Variants in NANOG observed in about 807,000 individuals in gnomAD.
The protein encoded by NANOG is Nanog homeobox.
In NANOG, 2 loss-of-function variants were observed where a neutral mutation model predicts 17.7. The observed-to-expected ratio is 0.11, with a 90% CI of 0.05 to 0.36. NANOG has a LOEUF of 0.36. NANOG is among the 10% of genes least tolerant of loss of function. The probability of loss-of-function intolerance (pLI) is 1.00; values close to 1 mark genes in which losing one functional copy is unlikely to be tolerated. For synonymous variants in NANOG, 81 were observed against 124.7 expected (o/e 0.65, Z 2.33); for missense variants, 174 against 362.1 (o/e 0.48, Z 4.22).
At chr12:7,793,890 C>T (rs1015534616) in intron 2 of NANOG, among the ~76,000 whole-genome samples, 14 of 151,438 alleles carry the variant, frequency 9.2e-5, no homozygotes, top group African/African-American at 3.2e-4. Context: ...TACAGGCGCC[C>T]GCCACTACAC....
At position 7,796,871 on chromosome 12, in the gene NANOG, T is replaced by A. The variant is rs1565478811; in HGVS notation, c.*1776T>A. 6.6e-6 allele frequency: 1 copy of A among 152,092 alleles called. No homozygotes were observed. Among genetic ancestry groups the A allele is most frequent in the East Asian group, 1.9e-4 (1 of 5,192 alleles). The allele number at this position is 152,092 out of a possible 1,614,324, so 9.4% of individuals were successfully genotyped here. On this transcript the variant is annotated 3_prime_UTR_variant, in exon 4 of 4. Coordinates refer to ENST00000229307, the MANE Select transcript of NANOG (RefSeq NM_024865.4). ...CCTCCGCCTCCCGAGTTCAAGTGAT[T>A]CTCCTGCCTCAGCCTCCCAAGTAGC...
At chr12:7,792,282 G>A (rs1247847722) in intron 1 of NANOG, among the ~76,000 whole-genome samples, 1 of 152,104 alleles carries the variant, frequency 6.6e-6, no homozygotes, top group Admixed American at 6.6e-5. Context: ...AGTGATTTAG[G>A]GTGAGATGCA....
intron 2 of NANOG, 145 bp from the exon 3 acceptor site, chr12:7,794,312 A>G: frequency 1.4e-6 from 1 of 707,954 alleles, no homozygotes; most frequent in Non-Finnish European, 2.4e-6. Context: ...GGCTCAAGCA[A>G]TCTGCCCGCC....
chr12:7,795,523 G>T lies in NANOG; in HGVS notation c.*428G>T, dbSNP rs1259722758. Reference sequence around the variant, plus strand: ...TTTTTAGTAGAGACGGGGTTTCACTGTGTTAGCCAGGATGGTCTCGATCTC... The same window carrying T: ...TTTTTAGTAGAGACGGGGTTTCACTTTGTTAGCCAGGATGGTCTCGATCTC... On this transcript the variant is annotated 3_prime_UTR_variant, in exon 4 of 4. Transcript: ENST00000229307. 1 of 133,204 alleles carries T rather than the reference G, an allele frequency of 7.5e-6. No homozygotes were observed. Among genetic ancestry groups the T allele is most frequent in the African/African-American group, 3.0e-5 (1 of 33,158 alleles). 8.3% of individuals were successfully genotyped at this position (133,204 alleles called of 1,614,324 possible).
At chr12:7,791,484 G>A (rs1342369353) in intron 1 of NANOG, among the ~76,000 whole-genome samples, 1 of 152,112 alleles carries the variant, frequency 6.6e-6, no homozygotes, top group Non-Finnish European at 1.5e-5. Context: ...GTTTATATAG[G>A]TAGCTAATAT....
chr12:7,792,109 G>A (rs1398568813), intron 1 of NANOG, among the ~76,000 whole-genome samples: 1 of 152,132 alleles, frequency 6.6e-6, no homozygotes, highest in South Asian at 2.1e-4. Context: ...TTGGCACGCT[G>A]GTTTTGAACT....
rs7980198 is a variant in NANOG, at chr12:7,796,692, T to G, written c.*1597T>G. ...ATCAGAGTGGTTTTTTCCAGTCTTT[T>G]CTCTCATTATTTCCCCAATTGTCCA... On this transcript the variant is annotated 3_prime_UTR_variant, in exon 4 of 4. Coordinates refer to ENST00000229307, the MANE Select transcript of NANOG (RefSeq NM_024865.4). 0.66 allele frequency: 100,601 copies of G among 151,718 alleles called. 35,750 individuals are homozygous for G. Among genetic ancestry groups the G allele is most frequent in the Non-Finnish European group, 0.8 (54,068 of 67,916 alleles). The allele number at this position is 151,718 out of a possible 1,614,324, so 9.4% of individuals were successfully genotyped here.
At chr12:7,793,988 A>C (rs772455669) in intron 2 of NANOG, among the ~76,000 whole-genome samples, 2 of 152,158 alleles carry the variant, frequency 1.3e-5, no homozygotes, top group Non-Finnish European at 2.9e-5. Flanking sequence ...CAAGTGATCC[A>C]CGTGCCTCTG....
chr12:7,794,355 G>A, intron 2 of NANOG, 102 bp from the exon 3 acceptor site: 1 of 1,111,034 alleles, frequency 9.0e-7, no homozygotes, highest in South Asian at 1.5e-5. Context: ...TTACAGGCAT[G>A]AGATATGGCA....
At chr12:7,793,757 A>G (rs1204861962) in intron 2 of NANOG, among the ~76,000 whole-genome samples, 1 of 152,082 alleles carries the variant, frequency 6.6e-6, no homozygotes, top group Admixed American at 6.5e-5. Flanking sequence ...GCTGGAGTGC[A>G]GTGGCCTCAT....
chr12:7,795,474 A>C lies in NANOG; in HGVS notation c.*379A>C, dbSNP rs1157214114. 3.8e-6 allele frequency: 1 copy of C among 259,980 alleles called. No individual in the cohort carries two copies. Among genetic ancestry groups the C allele is most frequent in the East Asian group, 1.1e-4 (1 of 9,508 alleles). 16.1% of individuals were successfully genotyped at this position (259,980 alleles called of 1,614,324 possible). A position where few individuals can be genotyped will look rare whatever the true frequency, so the allele number is the denominator to read the frequency against. On this transcript the variant is annotated 3_prime_UTR_variant, in exon 4 of 4. Coordinates refer to ENST00000229307, the MANE Select transcript of NANOG (RefSeq NM_024865.4). ...GCAGCTGGGACTACAGGCGCCCGCCACCTCGCCCGGCTAATATTTTGTATT... is the reference window on the plus strand; with the variant it reads ...GCAGCTGGGACTACAGGCGCCCGCCCCCTCGCCCGGCTAATATTTTGTATT...
chr12:7,795,575 C>T lies in NANOG; in HGVS notation c.*480C>T, dbSNP rs1413978887. ...TGACCTTGTGATCCACCCGCCTCGG[C>T]CTCCCTAACAGCTGGGATTTACAGG... On this transcript the variant is annotated 3_prime_UTR_variant, in exon 4 of 4. Coordinates refer to ENST00000229307, the MANE Select transcript of NANOG (RefSeq NM_024865.4). 1 of 75,742 alleles carries T rather than the reference C, an allele frequency of 1.3e-5. No homozygotes were observed. Among genetic ancestry groups the T allele is most frequent in the African/African-American group, 3.3e-5 (1 of 30,106 alleles). The allele number at this position is 75,742 out of a possible 1,614,324, so 4.7% of individuals were successfully genotyped here. A position where few individuals can be genotyped will look rare whatever the true frequency, so the allele number is the denominator to read the frequency against.
At position 7,789,691 on chromosome 12, in the gene NANOG, CTGTGATT is replaced by C. The variant is rs1466876440; in HGVS notation, c.82_88del (p.Ile28GlyfsTer103). On this transcript the variant is annotated frameshift_variant, in exon 1 of 4. Coordinates refer to ENST00000229307, the MANE Select transcript of NANOG (RefSeq NM_024865.4). LOFTEE classifies it high-confidence loss of function. The stretch of plus-strand genomic sequence containing the variant: ...GACTGTAAAGAATCTTCACCTATGC[CTGTGATT>C]TGTGGGCCTGAAGAAAACTATCCAT... 6.2e-7 allele frequency: 1 copy of C among 1,614,076 alleles called. No homozygotes were observed. The highest frequency in any genetic ancestry group is 8.5e-7 in the Non-Finnish European group (1 of 1,180,052).
chr12:7,792,119 T>C (rs1862849425), intron 1 of NANOG, among the ~76,000 whole-genome samples: 1 of 152,162 alleles, frequency 6.6e-6, no homozygotes, highest in Admixed American at 6.6e-5. Flanking sequence ...GGTTTTGAAC[T>C]CTTGACCTCA....
In NANOG at chr12:7,789,536, C is replaced by T. The variant is rs1182221029; in HGVS notation, c.-79C>T. The T allele has an allele frequency of 9.2e-6, 12 of 1,299,534 alleles. No individual in the cohort carries two copies. Among genetic ancestry groups the T allele is most frequent in the Non-Finnish European group, 1.3e-5 (12 of 914,046 alleles). 80.5% of individuals were successfully genotyped at this position (1,299,534 alleles called of 1,614,324 possible). A position where few individuals can be genotyped will look rare whatever the true frequency, so the allele number is the denominator to read the frequency against. ...GGAGGTCCTATTTCTCTAACATCTT[C>T]CAGAAAAGTCTTAAAGCTGCCTTAA... On this transcript the variant is annotated 5_prime_UTR_variant, in exon 1 of 4. Transcript: ENST00000229307.
intron 2 of NANOG, among the ~76,000 whole-genome samples, chr12:7,793,918 A>G (rs1592117915): frequency 6.6e-6 from 1 of 151,880 alleles, no homozygotes; most frequent in African/African-American, 2.4e-5. Context: ...ATTTTACTGT[A>G]TTTTTTAGTA....
chr12:7,792,541 G>A (rs770683622), intron 1 of NANOG, among the ~76,000 whole-genome samples: 1 of 152,274 alleles, frequency 6.6e-6, no homozygotes, highest in East Asian at 1.9e-4. Context: ...GTGCCTGCCT[G>A]TAATCCCAGC....
chr12:7,792,483 T>G (rs1188857759), intron 1 of NANOG, among the ~76,000 whole-genome samples: 1 of 151,988 alleles, frequency 6.6e-6, no homozygotes, highest in Non-Finnish European at 1.5e-5. Flanking sequence ...TCACCAACAT[T>G]GAGAAACCCT....
In NANOG at chr12:7,791,797, G is replaced by T. The variant is rs1237114588; in HGVS notation, c.152-1153G>T. On this transcript the variant is annotated intron_variant, in intron 1 of 3. Coordinates refer to ENST00000229307, the MANE Select transcript of NANOG (RefSeq NM_024865.4). ...ATAAAAAAATAATTTTAGAGATGAG[G>T]TCAGAGCTAGTAAAGGGAAGGCCTG... is the stretch of plus-strand genomic sequence containing the variant. Among the ~76,000 whole-genome samples, 3 of 152,178 alleles carry T rather than the reference G, an allele frequency of 2.0e-5. No homozygotes were observed. The South Asian group carries it at 6.2e-4, about 32-fold the overall frequency.
Sources: allele counts gnomAD v4.1 joint callset (sites outside exome capture counted in the v4.1 genomes callset), GRCh38; gene constraint gnomAD v4.1.1; transcripts MANE v1.5; gene names NCBI Gene and HGNC (gene_info 2026-07-23, HGNC 2026-07-21).